ANK2: variants seen among roughly 807,000 people sequenced by gnomAD.
ANK2 encodes the protein ankyrin-2.
A neutral mutation model predicts 360.5 loss-of-function variants in ANK2; 83 were observed. That is an observed-to-expected ratio of 0.23 (90% CI 0.19 to 0.28). The LOEUF (loss-of-function observed/expected upper bound fraction) is 0.28, where lower values mean the gene tolerates loss of function less well. ANK2 is among the 10% of genes least tolerant of loss of function. The pLI, the probability that ANK2 is intolerant of heterozygous loss-of-function variation, is 1.00. For synonymous variants in ANK2, 1,740 were observed against 1,759.5 expected (o/e 0.99, Z 0.28); for missense variants, 4,201 against 4,795.7 (o/e 0.88, Z 3.66).
chr4:113,171,423 G>A (rs1276618931), intron 1 of ANK2, among the ~76,000 whole-genome samples: 2 of 152,146 alleles, frequency 1.3e-5, no homozygotes, highest in African/African-American at 4.8e-5. Context: ...CTTCAATAAT[G>A]TCAATATTCA....
intron 1 of ANK2, among the ~76,000 whole-genome samples, chr4:113,173,802 A>C (rs1461285075): frequency 6.6e-6 from 1 of 152,176 alleles, no homozygotes; most frequent in Admixed American, 6.5e-5. Flanking sequence ...GTTTATCCAG[A>C]ATCACTGGGA....
chr4:113,000,989 A>G (rs2050407482), intron 2 of ANK2, among the ~76,000 whole-genome samples: 1 of 151,544 alleles, frequency 6.6e-6, no homozygotes, highest in Non-Finnish European at 1.5e-5. Flanking sequence ...ATGCATGTTG[A>G]ACAGTTTTTT....
At chr4:113,084,981 T>A (rs2083956815) in intron 1 of ANK2, among the ~76,000 whole-genome samples, 1 of 152,124 alleles carries the variant, frequency 6.6e-6, no homozygotes, top group Non-Finnish European at 1.5e-5. Flanking sequence ...ATTCTTTGGG[T>A]TGTTAAGGGT....
intron 40 of ANK2, among the ~76,000 whole-genome samples, chr4:113,364,837 C>T (rs2096443095): frequency 1.3e-5 from 2 of 152,150 alleles, no homozygotes; most frequent in African/African-American, 4.8e-5. Context: ...GACAATTCTA[C>T]TTTTAGGGCT....
chr4:112,717,955 A>G, the ANK2 span, among the ~76,000 whole-genome samples: 1 of 152,242 alleles, frequency 6.6e-6, no homozygotes, highest in Non-Finnish European at 1.5e-5. Context: ...CTTTCATCTG[A>G]CAGTACAAAA....
Position 113,214,539 on chromosome 4 carries a change from T to A in ANK2, c.384+15430T>A, listed in dbSNP as rs2099064638. 8 of 565,676 alleles carry A rather than the reference T, an allele frequency of 1.4e-5. No individual in the cohort carries two copies. The South Asian group carries it at 1.8e-4, about 13-fold the overall frequency. 35.0% of individuals were successfully genotyped at this position (565,676 alleles called of 1,614,324 possible). ...TAATTTATTAAGAGCCTGTTGCTTA[T>A]AATATTCAATACCATGAATCACAGA... On this transcript the variant is annotated intron_variant, in intron 4 of 45. Coordinates refer to ENST00000357077, the MANE Select transcript of ANK2 (RefSeq NM_001148.6).
chr4:113,102,041 A>G (rs1439969443), intron 1 of ANK2, among the ~76,000 whole-genome samples: 1 of 152,144 alleles, frequency 6.6e-6, no homozygotes, highest in Non-Finnish European at 1.5e-5. Flanking sequence ...TTTAATGGAA[A>G]TTTATTGGAA....
the ANK2 span, among the ~76,000 whole-genome samples, chr4:112,730,064 G>C: frequency 6.6e-6 from 1 of 151,918 alleles, no homozygotes; most frequent in Non-Finnish European, 1.5e-5. Flanking sequence ...ACTAAGCCTG[G>C]CCAATATGGT....
At position 113,353,782 on chromosome 4, in the gene ANK2, A is replaced by T. The variant is rs1445963152; in HGVS notation, c.5164A>T (p.Ser1722Cys). Reference protein sequence around the residue: ...QKQKEEGLQASAEKAELKKGS... With the variant: ...QKQKEEGLQACAEKAELKKGS... ...ACAAAAAGAGGAAGGTTTACAAGCT[A>T]GTGCAGAGAAAGCTGAACTTAAAAA... The change falls in exon 38 of 46, where the codon AGT becomes TGT. Residue 1722 changes from serine to cysteine, a missense_variant. Coordinates refer to ENST00000357077, the MANE Select transcript of ANK2 (RefSeq NM_001148.6). 1 of 1,613,898 alleles carries T rather than the reference A, an allele frequency of 6.2e-7. No homozygotes were observed. Among genetic ancestry groups the T allele is most frequent in the East Asian group, 2.2e-5 (1 of 44,904 alleles).
chr4:113,231,972 C>T (rs1246970736), intron 4 of ANK2, among the ~76,000 whole-genome samples, 189 bp from the exon 5 acceptor site: 2 of 152,196 alleles, frequency 1.3e-5, no homozygotes, highest in Non-Finnish European at 2.9e-5. Context: ...AGACTTTCCT[C>T]ATTGCTTTAG....
At chr4:113,225,544 A>T (rs938905828) in intron 4 of ANK2, among the ~76,000 whole-genome samples, 5 of 152,174 alleles carry the variant, frequency 3.3e-5, no homozygotes, top group African/African-American at 1.2e-4. Context: ...CATGCCAGGA[A>T]AATAAAGGCT....
chr4:112,732,527 C>T, the ANK2 span, among the ~76,000 whole-genome samples: 2 of 151,894 alleles, frequency 1.3e-5, no homozygotes, highest in African/African-American at 4.8e-5. Flanking sequence ...AATCACAGGC[C>T]TGTGCCCAGC....
In ANK2 at chr4:113,227,731, T is replaced by C. The variant is rs530294774; in HGVS notation, c.385-4430T>C. Among the ~76,000 whole-genome samples the C allele has an allele frequency of 1.5e-4, 23 of 152,312 alleles. 1 individual carries two copies. The highest frequency in any genetic ancestry group is 5.5e-4 in the African/African-American group (23 of 41,566). Reference sequence around the variant, plus strand: ...CTGCCTGTCACTCCCAGATCACTTATTAGCTCAAGACTTTGGCTTAATTAC... The same window carrying C: ...CTGCCTGTCACTCCCAGATCACTTACTAGCTCAAGACTTTGGCTTAATTAC... On this transcript the variant is annotated intron_variant, in intron 4 of 45. Coordinates refer to ENST00000357077, the MANE Select transcript of ANK2 (RefSeq NM_001148.6).
At chr4:112,791,667 A>G in the ANK2 span, among the ~76,000 whole-genome samples, 1 of 149,868 alleles carries the variant, frequency 6.7e-6, no homozygotes, top group Non-Finnish European at 1.5e-5. Flanking sequence ...TTTTTTTTGT[A>G]TTTTTAGTAG....
intron 1 of ANK2, among the ~76,000 whole-genome samples, chr4:112,859,602 G>A (rs2067351095): frequency 6.6e-6 from 1 of 152,158 alleles, no homozygotes; most frequent in African/African-American, 2.4e-5. Context: ...CAGCTTATAT[G>A]GCTAGAAGCC....
intron 1 of ANK2, among the ~76,000 whole-genome samples, chr4:113,106,563 C>G (rs2093650234): frequency 6.6e-6 from 1 of 152,158 alleles, no homozygotes; most frequent in African/African-American, 2.4e-5. Context: ...ATCCTTAATG[C>G]TGACACCGCA....
intron 1 of ANK2, among the ~76,000 whole-genome samples, chr4:112,858,367 T>C: frequency 6.6e-6 from 1 of 152,238 alleles, no homozygotes; most frequent in East Asian, 1.9e-4. Flanking sequence ...GTGCTTTTTA[T>C]ACGTTACCTT....
At chr4:113,312,079 A>G (rs1219956750) in intron 24 of ANK2, among the ~76,000 whole-genome samples, 2 of 152,146 alleles carry the variant, frequency 1.3e-5, no homozygotes, top group Non-Finnish European at 2.9e-5. Context: ...TATGCAAGTT[A>G]GGTAATGACA....
chr4:113,192,926 A>T (rs2352533), intron 2 of ANK2, among the ~76,000 whole-genome samples: 1,895 of 137,818 alleles, frequency 0.014, 42 homozygotes, highest in African/African-American at 0.04. Context: ...GCATTATTTA[A>T]AAAAAAAAAA....
Sources: allele counts gnomAD v4.1 joint callset (sites outside exome capture counted in the v4.1 genomes callset), GRCh38; gene constraint gnomAD v4.1.1; transcripts MANE v1.5; gene names NCBI Gene and HGNC (gene_info 2026-07-23, HGNC 2026-07-21).